The following CFAP47 variants were observed in gnomAD, a reference collection of about 807,000 sequenced individuals.
CFAP47 encodes cilia- and flagella-associated protein 47.
In CFAP47, 29 loss-of-function variants were observed where a neutral mutation model predicts 148.1. The observed-to-expected ratio is 0.20, with a 90% CI of 0.15 to 0.27. The LOEUF is 0.27. Among genes scored for constraint, CFAP47 ranks in the 10% least tolerant of loss-of-function variants. The pLI is 1.00. For synonymous variants in CFAP47, 664 were observed against 577.3 expected (o/e 1.15, Z -2.15); for missense variants, 1,872 against 1,697.5 (o/e 1.10, Z -1.81).
chrX:36,083,202 A>C (rs903826845), intron 29 of CFAP47, among the ~76,000 whole-genome samples: 1 of 110,342 alleles, frequency 9.1e-6, no homozygotes, highest in Admixed American at 9.7e-5. Flanking sequence ...TTTGACTTTT[A>C]TTTATATAAA....
Position 36,099,782 on chromosome X carries a change from G to C in CFAP47, c.5030G>C (p.Cys1677Ser). ...SSTNTMPVSS[C>S]TPKKKCSIVI... The stretch of plus-strand genomic sequence containing the variant: ...ACTAATACGATGCCTGTGAGTTCCT[G>C]TACACCTAAGAAAAAATGTTCTATT... The change falls in exon 32 of 64, where the codon TGT becomes TCT. Residue 1677 changes from cysteine to serine, a missense_variant. Coordinates refer to ENST00000378653, the MANE Select transcript of CFAP47 (RefSeq NM_001304548.2). 1 of 869,278 alleles carries C rather than the reference G, an allele frequency of 1.2e-6. No homozygotes were observed. Among genetic ancestry groups the C allele is most frequent in the Non-Finnish European group, 1.7e-6 (1 of 586,722 alleles). 71.6% of individuals were successfully genotyped at this position (869,278 alleles called of 1,213,427 possible).
At chrX:36,239,202 C>T (rs1818407882) in intron 48 of CFAP47, among the ~76,000 whole-genome samples, 1 of 111,866 alleles carries the variant, frequency 8.9e-6, no homozygotes, top group Non-Finnish European at 1.9e-5. Context: ...GTGGGACTTC[C>T]ACGAAGGTGA....
chrX:36,047,861 A>G (rs1310409982), intron 26 of CFAP47, among the ~76,000 whole-genome samples: 1 of 112,119 alleles, frequency 8.9e-6, no homozygotes, highest in Non-Finnish European at 1.9e-5. Context: ...ACAACATCCC[A>G]TTTCAATCAT....
intron 19 of CFAP47, among the ~76,000 whole-genome samples, chrX:35,998,645 T>C (rs949268611): frequency 1.8e-5 from 2 of 111,464 alleles, no homozygotes; most frequent in African/African-American, 6.5e-5. Context: ...ATCACCAAAA[T>C]TCCAGTGTAT....
chrX:36,373,798 C>G (rs1941995153), intron 62 of CFAP47, among the ~76,000 whole-genome samples: 1 of 111,543 alleles, frequency 9.0e-6, no homozygotes, highest in Non-Finnish European at 1.9e-5. Flanking sequence ...TAAACTTTAC[C>G]AAATGCTTAT....
At chrX:36,003,085 A>T (rs776743080) in intron 21 of CFAP47, among the ~76,000 whole-genome samples, 66 of 111,200 alleles carry the variant, frequency 5.9e-4, no homozygotes, top group African/African-American at 2.0e-3. Flanking sequence ...TATCTTTTTT[A>T]AAAAATTTCC....
intron 54 of CFAP47, among the ~76,000 whole-genome samples, chrX:36,305,599 A>T (rs1256831260): frequency 1.8e-5 from 2 of 111,671 alleles, no homozygotes; most frequent in African/African-American, 3.2e-5. Context: ...TATGAGAAAA[A>T]TACTATCACA....
intron 48 of CFAP47, among the ~76,000 whole-genome samples, chrX:36,241,902 T>C (rs782126591): frequency 8.9e-6 from 1 of 111,743 alleles, no homozygotes. Flanking sequence ...ATGGGGCTCC[T>C]CTAAGGCCCA....
At chrX:36,371,343 G>A (rs1330367397) in intron 62 of CFAP47, among the ~76,000 whole-genome samples, 2 of 109,579 alleles carry the variant, frequency 1.8e-5, no homozygotes, top group Non-Finnish European at 3.8e-5. Context: ...TAGAGTATAG[G>A]AATTAGAAAC....
intron 39 of CFAP47, among the ~76,000 whole-genome samples, chrX:36,164,187 T>A (rs1473717289): frequency 1.8e-5 from 2 of 111,442 alleles, no homozygotes; most frequent in African/African-American, 6.5e-5. Context: ...ACCTCTTAAT[T>A]TTAGTTGGTT....
chrX:35,924,073 A>T (rs187259807), intron 1 of CFAP47, among the ~76,000 whole-genome samples: 1 of 95,425 alleles, frequency 1.0e-5, no homozygotes, highest in African/African-American at 4.2e-5. Context: ...ACATATATGT[A>T]TATATGTACA....
rs375205708 is a variant in CFAP47 at position 36,183,275 on chromosome X, C to T, written c.6104+3853C>T. 2.0e-4 allele frequency among the ~76,000 whole-genome samples: 22 copies of T among 110,797 alleles called. 1 individual carries two copies. The East Asian group carries it at 2.6e-3, about 13-fold the overall frequency. ...CAGAGGTTGCAGTGAGATGAGATTG[C>T]GCCACTGCACTCCAGCCTAGGTGAC... On this transcript the variant is annotated intron_variant, in intron 40 of 63. Transcript: ENST00000378653.
chrX:35,987,289 C>G (rs1304326868), intron 15 of CFAP47, among the ~76,000 whole-genome samples: 1 of 111,743 alleles, frequency 8.9e-6, no homozygotes, highest in Non-Finnish European at 1.9e-5. Context: ...TGCTGCATTT[C>G]CTTCAGAGAT....
intron 56 of CFAP47, among the ~76,000 whole-genome samples, chrX:36,317,608 C>T (rs1298562903): frequency 3.9e-5 from 4 of 103,709 alleles, no homozygotes; most frequent in Admixed American, 1.0e-4. Flanking sequence ...TTAGTAGAGA[C>T]GGGGTTTCAC....
intron 63 of CFAP47, among the ~76,000 whole-genome samples, chrX:36,384,292 G>C (rs1556024712): frequency 9.0e-6 from 1 of 111,706 alleles, no homozygotes; most frequent in African/African-American, 3.3e-5. Context: ...AGTGAGCCAA[G>C]ATCGTGCCAC....
chrX:36,293,702 C>G (rs1414423972), intron 51 of CFAP47, among the ~76,000 whole-genome samples: 3 of 111,683 alleles, frequency 2.7e-5, no homozygotes, highest in African/African-American at 9.8e-5. Flanking sequence ...CATCTTCATG[C>G]CAAGAAAGGA....
intron 22 of CFAP47, among the ~76,000 whole-genome samples, chrX:36,027,619 A>G (rs1250653680): frequency 2.7e-5 from 3 of 110,291 alleles, no homozygotes; most frequent in Non-Finnish European, 5.7e-5. Flanking sequence ...TCTTTATCCA[A>G]CATGTGCAGG....
chrX:36,076,096 A>G (rs995748614), intron 29 of CFAP47, among the ~76,000 whole-genome samples: 3 of 111,468 alleles, frequency 2.7e-5, no homozygotes, highest in African/African-American at 9.8e-5. Context: ...TTCTTTGAGA[A>G]ATCTCCAAAC....
At chrX:36,037,393 C>T (rs764952045) in intron 24 of CFAP47, among the ~76,000 whole-genome samples, 4 of 109,116 alleles carry the variant, frequency 3.7e-5, no homozygotes, top group South Asian at 4.1e-4. Context: ...GATGGAGTCT[C>T]GCCCTGTCGC....
Sources: allele counts gnomAD v4.1 joint callset (sites outside exome capture counted in the v4.1 genomes callset), GRCh38; gene constraint gnomAD v4.1.1; transcripts MANE v1.5; gene names NCBI Gene and HGNC (gene_info 2026-07-23, HGNC 2026-07-21).